Variants in XKR9 observed in about 807,000 individuals in gnomAD.
XKR9 encodes XK related 9, also known as XK-related protein 9.
A neutral mutation model predicts 32.0 loss-of-function variants in XKR9; 32 were observed. The ratio of observed to expected loss-of-function variants is 1.00; its 90% CI spans 0.76 to 1.34. The LOEUF is 1.34. XKR9 is among the 40% of genes most tolerant of loss of function. The probability of loss-of-function intolerance (pLI) is 0.00; values close to 1 mark genes in which losing one functional copy is unlikely to be tolerated. For synonymous variants in XKR9, 168 were observed against 143.4 expected (o/e 1.17, Z -1.22); for missense variants, 546 against 429.7 (o/e 1.27, Z -2.39).
At chr8:70,673,283 T>A (rs1818777310) in intron 1 of XKR9, among the ~76,000 whole-genome samples, 1 of 152,226 alleles carries the variant, frequency 6.6e-6, no homozygotes, top group Admixed American at 6.5e-5. Flanking sequence ...AATTAAACTT[T>A]CACTTGCACT....
the XKR9 span, among the ~76,000 whole-genome samples, chr8:70,875,814 G>C: frequency 6.6e-6 from 1 of 151,956 alleles, no homozygotes; most frequent in Non-Finnish European, 1.5e-5. Flanking sequence ...CTTTAACTTT[G>C]TCATAATATG....
chr8:70,774,758 C>A (rs1024180911), intron 2 of XKR9, among the ~76,000 whole-genome samples: 1 of 152,114 alleles, frequency 6.6e-6, no homozygotes, highest in Non-Finnish European at 1.5e-5. Flanking sequence ...ATTTGTCTAT[C>A]CTTAGGCTAG....
chr8:70,722,410 C>T (rs1050359071), intron 4 of XKR9, among the ~76,000 whole-genome samples: 4 of 152,068 alleles, frequency 2.6e-5, no homozygotes, highest in Admixed American at 6.6e-5. Flanking sequence ...TTTATAATTT[C>T]GTGTGTTTTT....
chr8:70,796,251 C>T, the XKR9 span, among the ~76,000 whole-genome samples: 8 of 151,948 alleles, frequency 5.3e-5, no homozygotes, highest in African/African-American at 1.9e-4. Context: ...CCTGTTATTC[C>T]CTTCTCTTTG....
At chr8:70,820,179 A>C in the XKR9 span, among the ~76,000 whole-genome samples, 5 of 152,276 alleles carry the variant, frequency 3.3e-5, no homozygotes, top group Admixed American at 1.3e-4. Flanking sequence ...GAACATCCTT[A>C]CCTCTAAGGA....
intron 2 of XKR9, among the ~76,000 whole-genome samples, chr8:70,755,972 A>G (rs1010138855): frequency 6.6e-6 from 1 of 152,122 alleles, no homozygotes; most frequent in Admixed American, 6.5e-5. Flanking sequence ...ATTTGCTCCT[A>G]TGTTTTCTTC....
chr8:70,944,546 T>G, the XKR9 span, among the ~76,000 whole-genome samples: 2 of 152,182 alleles, frequency 1.3e-5, no homozygotes, highest in Non-Finnish European at 2.9e-5. Flanking sequence ...TTGTTTATGG[T>G]CTCTGATCCC....
At chr8:70,774,789 A>G (rs920592210) in intron 2 of XKR9, among the ~76,000 whole-genome samples, 5 of 152,186 alleles carry the variant, frequency 3.3e-5, no homozygotes, top group African/African-American at 1.2e-4. Context: ...TCTGAAAAAT[A>G]TAACTATAAA....
At chr8:71,045,269 C>T in the XKR9 span, among the ~76,000 whole-genome samples, 1 of 152,162 alleles carries the variant, frequency 6.6e-6, no homozygotes, top group Non-Finnish European at 1.5e-5. Flanking sequence ...CAAAGCTTGT[C>T]ACGTGCTTGT....
chr8:70,816,396 C>T, the XKR9 span, among the ~76,000 whole-genome samples: 1 of 151,946 alleles, frequency 6.6e-6, no homozygotes, highest in Non-Finnish European at 1.5e-5. Flanking sequence ...GACTATCTGC[C>T]CAAAGGAAAT....
At chr8:70,758,607 G>C (rs1381409442) in intron 2 of XKR9, among the ~76,000 whole-genome samples, 1 of 152,180 alleles carries the variant, frequency 6.6e-6, no homozygotes, top group East Asian at 1.9e-4. Flanking sequence ...GGAAGACCCA[G>C]GTCCCAGTTC....
chr8:70,768,015 A>T, intron 2 of XKR9, among the ~76,000 whole-genome samples: 1 of 152,116 alleles, frequency 6.6e-6, no homozygotes, highest in East Asian at 1.9e-4. Context: ...TTGAAATGTT[A>T]GGATGTTGAT....
At chr8:70,895,549 A>T in the XKR9 span, among the ~76,000 whole-genome samples, 12 of 152,318 alleles carry the variant, frequency 7.9e-5, no homozygotes, top group African/African-American at 2.9e-4. Context: ...GAATGTATAG[A>T]TGAATTTTTA....
At position 70,727,207 on chromosome 8, in the gene XKR9, C is replaced by G. The variant is rs11783926; in HGVS notation, c.494-6589C>G. 5.7e-3 allele frequency among the ~76,000 whole-genome samples: 871 copies of G among 151,950 alleles called. 7 individuals are homozygous for G. Among genetic ancestry groups the G allele is most frequent in the South Asian group, 0.034 (163 of 4,816 alleles). Reference sequence around the variant, plus strand: ...TTTTAGTTCCATTTTCCATGAACTTCTGGAAGTCCCTTTGTTTATGTGTTA... The same window carrying G: ...TTTTAGTTCCATTTTCCATGAACTTGTGGAAGTCCCTTTGTTTATGTGTTA... On this transcript the variant is annotated intron_variant, in intron 4 of 4. Coordinates refer to ENST00000408926, the MANE Select transcript of XKR9 (RefSeq NM_001011720.2).
chr8:70,731,687 A>G (rs1806671772), intron 4 of XKR9, among the ~76,000 whole-genome samples: 1 of 152,122 alleles, frequency 6.6e-6, no homozygotes, highest in African/African-American at 2.4e-5. Flanking sequence ...TGACCTCTGA[A>G]TGGTAATTCA....
the XKR9 span, among the ~76,000 whole-genome samples, chr8:70,871,916 A>C: frequency 1.3e-5 from 2 of 152,212 alleles, no homozygotes; most frequent in African/African-American, 4.8e-5. Context: ...TTCTAGTTCT[A>C]GTTTTAGTTC....
At chr8:70,810,794 T>A in the XKR9 span, among the ~76,000 whole-genome samples, 1 of 152,210 alleles carries the variant, frequency 6.6e-6, no homozygotes, top group East Asian at 1.9e-4. Flanking sequence ...ATAAAGCAAG[T>A]CCTTAGAGAC....
intron 3 of XKR9, among the ~76,000 whole-genome samples, chr8:70,682,456 G>A (rs1819112886): frequency 6.6e-6 from 1 of 152,070 alleles, no homozygotes; most frequent in Non-Finnish European, 1.5e-5. Context: ...AGGACCTTAA[G>A]GTACATTGTG....
chr8:71,060,483 A>G, the XKR9 span, among the ~76,000 whole-genome samples: 1 of 152,186 alleles, frequency 6.6e-6, no homozygotes, highest in Non-Finnish European at 1.5e-5. Flanking sequence ...CGCTGAACCA[A>G]CAAAACTGCT....
Sources: allele counts gnomAD v4.1 joint callset (sites outside exome capture counted in the v4.1 genomes callset), GRCh38; gene constraint gnomAD v4.1.1; transcripts MANE v1.5; gene names NCBI Gene and HGNC (gene_info 2026-07-23, HGNC 2026-07-21).